The following ASCC3 variants were observed in gnomAD, a reference collection of about 807,000 sequenced individuals.
ASCC3 encodes activating signal cointegrator 1 complex subunit 3, also known as ASC-1 complex subunit P200.
A neutral mutation model predicts 256.3 loss-of-function variants in ASCC3; 158 were observed. The ratio of observed to expected loss-of-function variants is 0.62; its 90% CI spans 0.54 to 0.70. ASCC3 has a LOEUF of 0.70. ASCC3 is among the 30% of genes least tolerant of loss of function. The probability of loss-of-function intolerance (pLI) is 0.00; values close to 1 mark genes in which losing one functional copy is unlikely to be tolerated. For synonymous variants in ASCC3, 948 were observed against 883.4 expected (o/e 1.07, Z -1.30); for missense variants, 2,259 against 2,626.0 (o/e 0.86, Z 3.05).
At chr6:100,737,409 G>A (rs1338332059) in intron 10 of ASCC3, among the ~76,000 whole-genome samples, 1 of 152,058 alleles carries the variant, frequency 6.6e-6, no homozygotes, top group East Asian at 1.9e-4. Flanking sequence ...GCCCCAGTGT[G>A]TGTTGTTCCC....
chr6:100,600,099 G>A (rs1772521809), intron 34 of ASCC3, among the ~76,000 whole-genome samples: 1 of 151,824 alleles, frequency 6.6e-6, no homozygotes, highest in Non-Finnish European at 1.5e-5. Flanking sequence ...TTGATTCCAA[G>A]CCCAAAGCTC....
intron 32 of ASCC3, among the ~76,000 whole-genome samples, chr6:100,606,133 G>A (rs753713436): frequency 2.0e-5 from 3 of 151,874 alleles, no homozygotes; most frequent in Non-Finnish European, 4.4e-5. Context: ...TGTCCTCCCT[G>A]CACCCCGGTA....
intron 25 of ASCC3, among the ~76,000 whole-genome samples, chr6:100,638,219 A>G (rs1774940147): frequency 1.3e-5 from 2 of 152,216 alleles, no homozygotes; most frequent in Admixed American, 1.3e-4. Context: ...TAGCAAAAAG[A>G]TTAAGACTCA....
At chr6:100,764,702 T>A (rs1431947460) in intron 10 of ASCC3, among the ~76,000 whole-genome samples, 1 of 152,176 alleles carries the variant, frequency 6.6e-6, no homozygotes. Context: ...TTTATTGAGA[T>A]GGAGTCTCAC....
chr6:100,553,283 G>A (rs1769398360), intron 36 of ASCC3, among the ~76,000 whole-genome samples: 1 of 152,054 alleles, frequency 6.6e-6, no homozygotes, highest in South Asian at 2.1e-4. Context: ...TGCTTCCTTA[G>A]TAGGACACTC....
In ASCC3 at chr6:100,629,061, A is replaced by T; in HGVS notation, c.4329T>A (p.Tyr1443Ter). 6.2e-7 allele frequency: 1 copy of T among 1,613,820 alleles called. No individual in the cohort carries two copies. Among genetic ancestry groups the T allele is most frequent in the Non-Finnish European group, 8.5e-7 (1 of 1,179,876 alleles). The change falls in exon 27 of 42, where the codon TAT becomes TAA. Residue 1443 changes from tyrosine to a stop codon, truncating the protein, a stop_gained. Transcript: ENST00000369162. LOFTEE classifies it high-confidence loss of function. ...TGATGAGAATAGTGACTTGCTGAAC[A>T]TAGTTCCTATTTTGCCAGCTTCTGC... ...GVSRSWQNRN[Y>*]VQQVTILIID...
intron 39 of ASCC3, among the ~76,000 whole-genome samples, chr6:100,514,717 T>C (rs1322050025): frequency 6.6e-6 from 1 of 152,148 alleles, no homozygotes; most frequent in African/African-American, 2.4e-5. Context: ...AATCTTCATC[T>C]ATTGAATCAG....
chr6:100,582,006 A>T (rs1771307600), intron 36 of ASCC3, among the ~76,000 whole-genome samples: 1 of 152,112 alleles, frequency 6.6e-6, no homozygotes, highest in Non-Finnish European at 1.5e-5. Flanking sequence ...ATATAGTTTG[A>T]AGTCAGGTAG....
intron 36 of ASCC3, among the ~76,000 whole-genome samples, chr6:100,576,682 ATTTTT>A (rs1180520326): frequency 6.6e-6 from 1 of 152,004 alleles, no homozygotes; most frequent in Non-Finnish European, 1.5e-5. Context: ...AGTAATTATT[ATTTTT>A]TAATCGCTGT....
At chr6:100,811,064 A>G (rs1424887175) in intron 4 of ASCC3, among the ~76,000 whole-genome samples, 1 of 152,090 alleles carries the variant, frequency 6.6e-6, no homozygotes, top group African/African-American at 2.4e-5. Flanking sequence ...CGCCCATACT[A>G]AAGTCACCTA....
intron 1 of ASCC3, among the ~76,000 whole-genome samples, chr6:100,869,667 T>C (rs961900644): frequency 2.7e-4 from 41 of 152,166 alleles, no homozygotes; most frequent in African/African-American, 9.2e-4. Context: ...TAAAAACAAA[T>C]TGAAATATAT....
chr6:100,624,416 A>G (rs1475656226), intron 30 of ASCC3, among the ~76,000 whole-genome samples: 1 of 151,870 alleles, frequency 6.6e-6, no homozygotes, highest in Non-Finnish European at 1.5e-5. Flanking sequence ...ATCAAAAATG[A>G]AGGCATACAT....
Position 100,679,689 on chromosome 6 carries a change from CTCTT to C in ASCC3, c.2211_2214del (p.Arg738GlnfsTer55), listed in dbSNP as rs1460917495. 4.3e-6 allele frequency: 7 copies of C among 1,613,598 alleles called. No homozygotes were observed. Among genetic ancestry groups the C allele is most frequent in the Admixed American group, 1.7e-5 (1 of 60,010 alleles). On this transcript the variant is annotated frameshift_variant, in exon 14 of 42. Coordinates refer to ENST00000369162, the MANE Select transcript of ASCC3 (RefSeq NM_006828.4). LOFTEE classifies it high-confidence loss of function. ...AAGGGAATATGGCCACAATTTTTTG[CTCTT>C]TCTATTAGAGACATAGCTGTTCTTA...
At chr6:100,783,484 T>TA (rs1562294133) in intron 8 of ASCC3, among the ~76,000 whole-genome samples, 1 of 152,198 alleles carries the variant, frequency 6.6e-6, no homozygotes, top group Non-Finnish European at 1.5e-5. Context: ...CATCATGTAC[T>TA]AAACGCTGCC....
intron 29 of ASCC3, among the ~76,000 whole-genome samples, chr6:100,626,148 T>C (rs1401635824): frequency 7.3e-6 from 1 of 137,158 alleles, no homozygotes; most frequent in Admixed American, 7.0e-5. Context: ...AGGTTTTTTG[T>C]TTGTTTGTTT....
chr6:100,522,752 C>CG (rs1774374148), intron 37 of ASCC3, among the ~76,000 whole-genome samples: 1 of 151,484 alleles, frequency 6.6e-6, no homozygotes, highest in Non-Finnish European at 1.5e-5. Flanking sequence ...AACCATTTAA[C>CG]GTAAGTTATT....
chr6:100,768,508 GA>G (rs1356744298), intron 8 of ASCC3, among the ~76,000 whole-genome samples: 1 of 152,126 alleles, frequency 6.6e-6, no homozygotes, highest in African/African-American at 2.4e-5. Context: ...TAATGACAAA[GA>G]GGTAAATTAA....
At chr6:100,665,262 G>A (rs1227446692) in intron 14 of ASCC3, among the ~76,000 whole-genome samples, 2 of 152,128 alleles carry the variant, frequency 1.3e-5, no homozygotes, top group Non-Finnish European at 2.9e-5. Flanking sequence ...GAACTAGGAG[G>A]AGGTAGGAGT....
At chr6:100,715,133 C>A in intron 13 of ASCC3, 1 of 174,328 alleles carries the variant, frequency 5.7e-6, no homozygotes, top group Non-Finnish European at 1.2e-5. Context: ...TGCTTAATTT[C>A]TAAACACCAT....
Sources: gnomAD v4.1 joint callset for allele counts (sites outside exome capture counted in the v4.1 genomes callset) on GRCh38, gnomAD v4.1.1 for gene constraint, MANE v1.5 for transcripts, NCBI Gene and HGNC (gene_info 2026-07-23, HGNC 2026-07-21) for gene names.